The following ATP10B variants were observed in gnomAD, a reference collection of about 807,000 sequenced individuals.
ATP10B encodes the protein ATPase phospholipid transporting 10B (putative).
Under a neutral mutation model 141.2 loss-of-function variants are expected in ATP10B, and 122 were observed. That is an observed-to-expected ratio of 0.86 (90% CI 0.75 to 1.00). The LOEUF is 1.00. Among genes scored for constraint, ATP10B ranks in the 50% least tolerant of loss-of-function variants. The pLI is 0.00. For synonymous variants in ATP10B, 685 were observed against 692.0 expected (o/e 0.99, Z 0.16); for missense variants, 1,876 against 1,825.3 (o/e 1.03, Z -0.51).
intron 1 of ATP10B, among the ~76,000 whole-genome samples, chr5:160,834,394 T>G (rs1045835984): frequency 3.3e-5 from 5 of 152,018 alleles, no homozygotes; most frequent in African/African-American, 7.2e-5. Flanking sequence ...GCATAACATC[T>G]GATTCTTATG....
At chr5:160,582,488 T>A (rs984123181) in intron 24 of ATP10B, among the ~76,000 whole-genome samples, 10 of 152,232 alleles carry the variant, frequency 6.6e-5, no homozygotes, top group Admixed American at 2.6e-4. Context: ...TCCTGGCTTG[T>A]AGGATTTTTA....
chr5:160,805,979 T>A (rs1245740274), intron 1 of ATP10B, among the ~76,000 whole-genome samples: 1 of 152,046 alleles, frequency 6.6e-6, no homozygotes, highest in Admixed American at 6.6e-5. Flanking sequence ...GAACCAATAA[T>A]GTACATCCTA....
intron 22 of ATP10B, among the ~76,000 whole-genome samples, chr5:160,592,803 C>G (rs901621721): frequency 1.3e-5 from 2 of 152,232 alleles, no homozygotes; most frequent in African/African-American, 4.8e-5. Flanking sequence ...CATGGAGTCT[C>G]GCTGATTGCT....
At chr5:160,638,579 T>C (rs1759594715) in intron 10 of ATP10B, among the ~76,000 whole-genome samples, 2 of 152,074 alleles carry the variant, frequency 1.3e-5, no homozygotes, top group Non-Finnish European at 2.9e-5. Context: ...CTATTAGACA[T>C]ACCTGGGAAC....
At position 160,653,705 on chromosome 5, in the gene ATP10B, A is replaced by T. The variant is rs867782447; in HGVS notation, c.676-4449T>A. Among the ~76,000 whole-genome samples, 322 of 108,460 alleles carry T rather than the reference A, an allele frequency of 3.0e-3. 10 individuals carry two copies. The highest frequency in any genetic ancestry group is 0.01 in the African/African-American group (298 of 28,400). The allele number at this position is 108,460 out of a possible 152,430, so 71.2% of individuals were successfully genotyped here. On this transcript the variant is annotated intron_variant, in intron 7 of 25. Coordinates refer to ENST00000327245, the MANE Select transcript of ATP10B (RefSeq NM_025153.3). ...ACATATATACATATATACATATACA[A>T]TATATACATATATACATATATATTA...
At chr5:160,921,890 T>G in the ATP10B span, among the ~76,000 whole-genome samples, 1 of 152,220 alleles carries the variant, frequency 6.6e-6, no homozygotes, top group Non-Finnish European at 1.5e-5. Context: ...CTTTTCTAAG[T>G]GCTAGAGTTG....
At chr5:160,821,412 T>A (rs12658950) in intron 1 of ATP10B, among the ~76,000 whole-genome samples, 50,681 of 151,876 alleles carry the variant, frequency 0.33, 9,650 homozygotes, top group East Asian at 0.45. Flanking sequence ...ATTGGAAGAA[T>A]CAATACTGTT....
At position 160,612,927 on chromosome 5, in the gene ATP10B, T is replaced by C. The variant is rs1451971303; in HGVS notation, c.2654-2A>G. 3 of 1,609,064 alleles carry C rather than the reference T, an allele frequency of 1.9e-6. No individual in the cohort carries two copies. Among genetic ancestry groups the C allele is most frequent in the Non-Finnish European group, 2.5e-6 (3 of 1,177,932 alleles). On this transcript the variant is annotated splice_acceptor_variant, in intron 17 of 25. Transcript: ENST00000327245. LOFTEE classifies it high-confidence loss of function. The stretch of plus-strand genomic sequence containing the variant: ...GCCGGTCTTCGATCCCAGTGGCTCC[T>C]GGAGTGATGAAAAACAACAGAGTTC...
rs369379571 is a variant in ATP10B at position 160,688,426 on chromosome 5, T to C, written c.-20-332A>G. 7.6e-4 allele frequency among the ~76,000 whole-genome samples: 115 copies of C among 152,164 alleles called. 1 individual carries two copies. Among genetic ancestry groups the C allele is most frequent in the African/African-American group, 2.6e-3 (107 of 41,528 alleles). On this transcript the variant is annotated intron_variant, in intron 4 of 25. Coordinates refer to ENST00000327245, the MANE Select transcript of ATP10B (RefSeq NM_025153.3). Reference sequence around the variant, plus strand: ...AATACGTGCCATGGGAGCATTGAAGTGGGTGGGACGTGCTTTTGGCCTAAT... The same window carrying C: ...AATACGTGCCATGGGAGCATTGAAGCGGGTGGGACGTGCTTTTGGCCTAAT...
At chr5:160,809,464 T>C (rs1414214626) in intron 1 of ATP10B, among the ~76,000 whole-genome samples, 2 of 152,232 alleles carry the variant, frequency 1.3e-5, no homozygotes, top group African/African-American at 4.8e-5. Flanking sequence ...TTGCAATACA[T>C]ATGCAATACA....
At chr5:160,724,367 C>T (rs1420829089) in intron 2 of ATP10B, among the ~76,000 whole-genome samples, 2 of 150,638 alleles carry the variant, frequency 1.3e-5, no homozygotes. Context: ...AAGTGATCAT[C>T]CCACCTCAGT....
At chr5:160,665,913 A>G (rs920100834) in intron 7 of ATP10B, among the ~76,000 whole-genome samples, 8 of 152,172 alleles carry the variant, frequency 5.3e-5, no homozygotes, top group Non-Finnish European at 1.0e-4. Context: ...ATTAATACTT[A>G]TTATGTAAGA....
At position 160,565,247 on chromosome 5, in the gene ATP10B, G is replaced by C. The variant is rs1228997253; in HGVS notation, c.*206C>G. 5 of 588,474 alleles carry C rather than the reference G, an allele frequency of 8.5e-6. No homozygotes were observed. In the East Asian group the frequency reaches 1.4e-4, roughly 17 times the overall value. The allele number at this position is 588,474 out of a possible 1,614,324, so 36.5% of individuals were successfully genotyped here. ...ACTGTTTGCAAGATGTGCTGCCTGA[G>C]AGCAGCAGAAAACTAGAGGCCGACT... On this transcript the variant is annotated 3_prime_UTR_variant, in exon 26 of 26. Transcript: ENST00000327245.
At chr5:160,657,857 A>G (rs1761616655) in intron 7 of ATP10B, among the ~76,000 whole-genome samples, 1 of 152,214 alleles carries the variant, frequency 6.6e-6, no homozygotes, top group African/African-American at 2.4e-5. Context: ...CTTTTAATAA[A>G]TACTTGATGA....
At chr5:160,771,165 A>C (rs1769874159) in intron 2 of ATP10B, among the ~76,000 whole-genome samples, 1 of 152,214 alleles carries the variant, frequency 6.6e-6, no homozygotes, top group Non-Finnish European at 1.5e-5. Context: ...ATGGATGTTC[A>C]CTGGCATAAT....
chr5:160,905,756 G>A, the ATP10B span, among the ~76,000 whole-genome samples: 1 of 152,042 alleles, frequency 6.6e-6, no homozygotes, highest in South Asian at 2.1e-4. Context: ...ACTGTAGCAT[G>A]TAACACATTG....
chr5:160,768,014 G>T (rs1430592518), intron 2 of ATP10B, among the ~76,000 whole-genome samples: 1 of 151,948 alleles, frequency 6.6e-6, no homozygotes. Context: ...TCTTCAATCT[G>T]TTCCTCTACC....
At chr5:160,592,816 C>T (rs1756410733) in intron 22 of ATP10B, among the ~76,000 whole-genome samples, 1 of 152,212 alleles carries the variant, frequency 6.6e-6, no homozygotes, top group South Asian at 2.1e-4. Flanking sequence ...TGATTGCTAG[C>T]ACAGCAGTCT....
At chr5:160,899,828 G>A in the ATP10B span, among the ~76,000 whole-genome samples, 8 of 152,122 alleles carry the variant, frequency 5.3e-5, no homozygotes, top group African/African-American at 1.7e-4. Context: ...GTATCTCACT[G>A]ATTCTGGGAA....
Sources: gnomAD v4.1 joint callset for allele counts (sites outside exome capture counted in the v4.1 genomes callset) on GRCh38, gnomAD v4.1.1 for gene constraint, MANE v1.5 for transcripts, NCBI Gene and HGNC (gene_info 2026-07-23, HGNC 2026-07-21) for gene names.